The following BAP1 variants were observed in gnomAD, a reference collection of about 807,000 sequenced individuals.
BAP1 encodes BRCA1 associated deubiquitinase 1, also known as ubiquitin carboxyl-terminal hydrolase BAP1.
In BAP1, 16 loss-of-function variants were observed where a neutral mutation model predicts 77.2. The ratio of observed to expected loss-of-function variants is 0.21; its 90% CI spans 0.14 to 0.31. BAP1 has a LOEUF of 0.31. BAP1 is among the 10% of genes least tolerant of loss of function. The pLI is 1.00. For missense variants in BAP1, 699 were observed against 967.3 expected (o/e 0.72, Z 3.68); for synonymous variants, 362 against 385.2 (o/e 0.94, Z 0.71).
intron 12 of BAP1, 35 bp downstream of exon 12, chr3:52,404,418 C>T: frequency 6.2e-7 from 1 of 1,614,180 alleles, no homozygotes; most frequent in Non-Finnish European, 8.5e-7. Flanking sequence ...ATCCGAAGCA[C>T]CTAGAACCTG....
In BAP1 at chr3:52,405,279, G is replaced by A. The variant is rs1365625070; in HGVS notation, c.947C>T (p.Ala316Val). The A allele has an allele frequency of 5.0e-6, 8 of 1,613,548 alleles. No homozygotes were observed. In the Admixed American group the frequency reaches 8.3e-5, roughly 17 times the overall value. Reference protein sequence around the residue: ...EGNHTDGAEEAAGSCAQAPSH... With the variant: ...EGNHTDGAEEVAGSCAQAPSH... ...TGGGGCTTGTGCGCATGAACCAGCC[G>A]CCTCCTCTGCACCATCTGAGACAGG... The change falls in exon 11 of 17, where the codon GCG becomes GTG. Residue 316 changes from alanine (A) to valine (V), a missense_variant. Physicochemically the swap from Ala to Val is moderately conservative, Grantham distance 64. This residue lies in a region of BAP1 where 475 missense variants were observed against 532.4 expected (regional missense o/e 0.89). Transcript: ENST00000460680.
In BAP1 at chr3:52,402,903, G is replaced by C. The variant is rs372756165; in HGVS notation, c.1891-32C>G. The C allele has an allele frequency of 3.1e-6, 5 of 1,613,846 alleles. No individual in the cohort carries two copies. The highest frequency in any genetic ancestry group is 1.7e-5 in the Admixed American group (1 of 60,024). ...AAACCCAGCATTGCACCTCTGATCG[G>C]GGCGGGCCAGCAACAAAGCCCCACG... On this transcript the variant is annotated intron_variant, in intron 14 of 16. Coordinates refer to ENST00000460680, the MANE Select transcript of BAP1 (RefSeq NM_004656.4). The surrounding 1 kb of genome is among the most constrained non-coding windows in gnomAD (Gnocchi z 5.3).
rs770446947 is a variant in BAP1, at chr3:52,408,552, C to T, written c.177G>A (p.Arg59=). Residue 59 remains arginine, a synonymous_variant, in exon 4 of 17, where the codon CGG becomes CGA. Transcript: ENST00000460680. The part of the protein sequence containing the change: ...LFKWIEERRS[R]RKVSTLVDDT... Reference sequence around the variant, plus strand: ...CATCCACCAAGGTAGAGACCTTTCGCCGGGACCGGCGCTCTTCGATCCATT... The same window carrying T: ...CATCCACCAAGGTAGAGACCTTTCGTCGGGACCGGCGCTCTTCGATCCATT... 4.3e-6 allele frequency: 7 copies of T among 1,611,128 alleles called. No homozygotes were observed. The East Asian group carries it at 1.3e-4, about 31-fold the overall frequency.
At position 52,404,524 on chromosome 3, in the gene BAP1, C is replaced by T. The variant is rs771803950; in HGVS notation, c.1179G>A (p.Gln393=). ...RSRVPVRPPQ[Q]YSDDEDDYED... ...CATAGTCATCCTCATCATCTGAGTA[C>T]TGCTGGGGTGGGCGGACTGGAACTC... is the stretch of plus-strand genomic sequence containing the variant. The change falls in exon 12 of 17, where the codon CAG becomes CAA. Residue 393 remains glutamine, a synonymous_variant. Transcript: ENST00000460680. 1 of 1,614,154 alleles carries T rather than the reference C, an allele frequency of 6.2e-7. No homozygotes were observed. Among genetic ancestry groups the T allele is most frequent in the East Asian group, 2.2e-5 (1 of 44,884 alleles).
At position 52,406,361 on chromosome 3, in the gene BAP1, G is replaced by A. The variant is rs961974192; in HGVS notation, c.675C>T (p.Asp225=). Residue 225 remains aspartate, a synonymous_variant, in exon 9 of 17, where the codon GAC becomes GAT. Transcript: ENST00000460680. This position sits in a 1 kb window ranked among gnomAD's most constrained non-coding sequence, Gnocchi z 4.6. ...GLATAGEPYH[D]IRFNLMAVVP... ...CCACTGCCATCAGGTTGAAGCGGAT[G>A]TCGTGGTAGGGCTCCCTGCAGTCAC... The A allele has an allele frequency of 1.2e-6, 2 of 1,613,870 alleles. No individual in the cohort carries two copies. The highest frequency in any genetic ancestry group is 1.6e-4 in the Middle Eastern group (1 of 6,062).
In BAP1 at chr3:52,401,903, T is replaced by A. The variant is rs143014714; in HGVS notation, c.*385A>T. On this transcript the variant is annotated 3_prime_UTR_variant, in exon 17 of 17. Coordinates refer to ENST00000460680, the MANE Select transcript of BAP1 (RefSeq NM_004656.4). ...AGGACAGCTCCTAGGAGAGAAAGCA[T>A]AGTCAGGTAGGAACTTATGTCAACA... 8.9e-4 allele frequency: 338 copies of A among 380,778 alleles called. 3 individuals are homozygous for A. Among genetic ancestry groups the A allele is most frequent in the African/African-American group, 5.9e-3 (295 of 50,098 alleles). The allele number at this position is 380,778 out of a possible 1,614,324, so 23.6% of individuals were successfully genotyped here.
At chr3:52,404,675 G>T in intron 11 of BAP1, 89 bp from the exon 12 acceptor site, 1 of 1,538,136 alleles carries the variant, frequency 6.5e-7, no homozygotes, top group Non-Finnish European at 8.7e-7. Context: ...AGCCAACATG[G>T]TTTTCCAGAC....
chr3:52,407,078 CCT>C (rs1180768839), intron 7 of BAP1, 94 bp downstream of exon 7: 1 of 1,593,416 alleles, frequency 6.3e-7, no homozygotes, highest in Admixed American at 1.7e-5. Context: ...ACCGACAACC[CCT>C]GCCACTGGGT....
intron 11 of BAP1, among the ~76,000 whole-genome samples, 193 bp from the exon 12 acceptor site, chr3:52,404,779 G>A (rs954895584): frequency 1.3e-5 from 2 of 152,178 alleles, no homozygotes; most frequent in African/African-American, 4.8e-5. Flanking sequence ...CCCACGGAGG[G>A]GTTTTAAGAG....
At position 52,402,619 on chromosome 3, in the gene BAP1, G is replaced by C. The variant is rs1482394743; in HGVS notation, c.2039C>G (p.Ser680Cys). ...NYDEFICTFISMLAQEGMLAN... is the reference protein window; with the variant it reads ...NYDEFICTFICMLAQEGMLAN... ...CCCCTCACCTTCCTGAGCCAGCATGGAGATAAAGGTGCAGATGAACTCATC... is the reference window on the plus strand; with the variant it reads ...CCCCTCACCTTCCTGAGCCAGCATGCAGATAAAGGTGCAGATGAACTCATC... Residue 680 changes from serine to cysteine, a missense_variant, in exon 16 of 17, where the codon TCC becomes TGC. By Grantham distance (112) the Ser-to-Cys change is moderately radical. Transcript: ENST00000460680. This position sits in a 1 kb window ranked among gnomAD's most constrained non-coding sequence, Gnocchi z 5.3. 1 of 1,614,186 alleles carries C rather than the reference G, an allele frequency of 6.2e-7. No homozygotes were observed. Among genetic ancestry groups the C allele is most frequent in the Non-Finnish European group, 8.5e-7 (1 of 1,180,028 alleles).
At position 52,406,339 on chromosome 3, in the gene BAP1, C is replaced by A. The variant is rs1388711456; in HGVS notation, c.697G>T (p.Val233Leu). 6.2e-7 allele frequency: 1 copy of A among 1,614,176 alleles called. No individual in the cohort carries two copies. ...TACTTGATCCTGCGGTCGGGCACCA[C>A]TGCCATCAGGTTGAAGCGGATGTCG... ...YHDIRFNLMA[V>L]VPDRRIKYEA... Residue 233 changes from valine (V) to leucine (L), a missense_variant, in exon 9 of 17, where the codon GTG becomes TTG. Physicochemically the swap from Val to Leu is conservative, Grantham distance 32. This residue lies in a region of BAP1 where 160 missense variants were observed against 322.8 expected (regional missense o/e 0.50). Transcript: ENST00000460680. This position sits in a 1 kb window ranked among gnomAD's most constrained non-coding sequence, Gnocchi z 4.6.
Position 52,406,874 on chromosome 3 carries a change from T to C in BAP1, c.614A>G (p.Lys205Arg), listed in dbSNP as rs1705178167. The C allele has an allele frequency of 1.3e-6, 2 of 1,569,804 alleles. No individual in the cohort carries two copies. The highest frequency in any genetic ancestry group is 1.9e-5 in the Admixed American group (1 of 53,860). Residue 205 changes from lysine to arginine, a missense_variant, in exon 8 of 17, where the codon AAG becomes AGG. Transcript: ENST00000460680. The surrounding 1 kb of genome is among the most constrained non-coding windows in gnomAD (Gnocchi z 4.6). ...PWGEDEEWTD[K>R]ARRVIMERIG... ...ACGCTCCATGATGACCCGCCGGGCC[T>C]TGTCTGTCCACTCCTCGTCCTCCCC...
In BAP1 at chr3:52,402,567, G is replaced by A. The variant is rs774914615; in HGVS notation, c.2056+35C>T. The A allele has an allele frequency of 3.1e-6, 5 of 1,613,390 alleles. No individual in the cohort carries two copies. The highest frequency in any genetic ancestry group is 1.6e-4 in the Middle Eastern group (1 of 6,084). ...AGCTGAAGGACACGGCCCTCAGCAG[G>A]GCATTCCAGTTAAGACAGCAGCGCA... is the stretch of plus-strand genomic sequence containing the variant. On this transcript the variant is annotated intron_variant, in intron 16 of 16. Coordinates refer to ENST00000460680, the MANE Select transcript of BAP1 (RefSeq NM_004656.4). The surrounding 1 kb of genome is among the most constrained non-coding windows in gnomAD (Gnocchi z 5.3).
rs188839048 is a variant in BAP1, at chr3:52,404,022, G to C, written c.1251-128C>G. 114 of 972,064 alleles carry C rather than the reference G, an allele frequency of 1.2e-4. No homozygotes were observed. The African/African-American group carries it at 1.7e-3, about 15-fold the overall frequency. The allele number at this position is 972,064 out of a possible 1,614,324, so 60.2% of individuals were successfully genotyped here. A position where few individuals can be genotyped will look rare whatever the true frequency, so the allele number is the denominator to read the frequency against. On this transcript the variant is annotated intron_variant, in intron 12 of 16. Transcript: ENST00000460680. ...CTAAAACTCCTTATACTTGGTCCAA[G>C]CAACTTGAACTAGCCATGCTAAGCC...
chr3:52,405,595 C>T, intron 10 of BAP1, 170 bp downstream of exon 10: 2 of 1,057,472 alleles, frequency 1.9e-6, no homozygotes, highest in East Asian at 5.2e-5. Flanking sequence ...AACAGCGGCC[C>T]TTTACAGGTG....
chr3:52,403,630 C>T lies in BAP1; in HGVS notation c.1515G>A (p.Ser505=), dbSNP rs374099588. Residue 505 remains serine, a synonymous_variant, in exon 13 of 17, where the codon TCG becomes TCA. Coordinates refer to ENST00000460680, the MANE Select transcript of BAP1 (RefSeq NM_004656.4). This position sits in a 1 kb window ranked among gnomAD's most constrained non-coding sequence, Gnocchi z 4.0. Reference sequence around the variant, plus strand: ...CTGAGCGGATAGGCGAGCGCAGTGGCGAGTTGAAAGCACTGCCGATCTCAG... The same window carrying T: ...CTGAGCGGATAGGCGAGCGCAGTGGTGAGTTGAAAGCACTGCCGATCTCAG... ...TASEIGSAFN[S]PLRSPIRSAN... is the part of the protein sequence containing the mutation. 11 of 1,613,852 alleles carry T rather than the reference C, an allele frequency of 6.8e-6. No individual in the cohort carries two copies. Among genetic ancestry groups the T allele is most frequent in the South Asian group, 5.5e-5 (5 of 91,084 alleles).
chr3:52,407,506 G>T (rs766882421), intron 5 of BAP1, 46 bp from the exon 6 acceptor site: 1 of 1,612,360 alleles, frequency 6.2e-7, no homozygotes, highest in East Asian at 2.2e-5. Flanking sequence ...TTCTCCTCAG[G>T]TAGGACTATG....
chr3:52,405,520 A>T (rs1705127371), intron 10 of BAP1: 2 of 599,628 alleles, frequency 3.3e-6, no homozygotes, highest in South Asian at 2.3e-5. Context: ...AAAAAAAAAA[A>T]ACCGCCTCTA....
At chr3:52,407,519 T>C (rs1705206711) in intron 5 of BAP1, 59 bp from the exon 6 acceptor site, 2 of 1,609,504 alleles carry the variant, frequency 1.2e-6, no homozygotes, top group Non-Finnish European at 1.7e-6. Flanking sequence ...GGACTATGGG[T>C]GGAAGGCAAA....
Sources: allele counts gnomAD v4.1 joint callset (sites outside exome capture counted in the v4.1 genomes callset), GRCh38; gene constraint gnomAD v4.1.1; regional missense constraint gnomAD v4.1.1; non-coding constraint Gnocchi (gnomAD v3.1); transcripts MANE v1.5; gene names NCBI Gene and HGNC (gene_info 2026-07-23, HGNC 2026-07-21).